The following RBFOX3 variants were observed in gnomAD, a reference collection of about 807,000 sequenced individuals.
The protein encoded by RBFOX3 is RNA binding fox-1 homolog 3, also known as RNA binding protein fox-1 homolog 3.
In RBFOX3, 17 loss-of-function variants were observed where a neutral mutation model predicts 48.7. That is an observed-to-expected ratio of 0.35 (90% CI 0.24 to 0.52). The LOEUF (loss-of-function observed/expected upper bound fraction) is 0.52, where lower values mean the gene tolerates loss of function less well. Among genes scored for constraint, RBFOX3 ranks in the 20% least tolerant of loss-of-function variants. The pLI is 0.94. For synonymous variants in RBFOX3, 212 were observed against 209.5 expected (o/e 1.01, Z -0.10); for missense variants, 382 against 497.5 (o/e 0.77, Z 2.21).
chr17:79,611,188 TCTCTCTCTCTCTCTCTCTCTCTCTCGTTC>T (rs2093965893), upstream of RBFOX3, among the ~76,000 whole-genome samples: 1 of 98,626 alleles, frequency 1.0e-5, no homozygotes, highest in African/African-American at 3.8e-5. Context: ...CCTCCTTCTC[TCTCTCTCTCTCTCTCTCTCTCTCTCGTTC>T]CTCTGGCTCG....
intron 2 of RBFOX3, among the ~76,000 whole-genome samples, chr17:79,448,127 T>G (rs1555739357): frequency 6.6e-6 from 1 of 152,186 alleles, no homozygotes; most frequent in East Asian, 1.9e-4. Context: ...CCTCTTTTCT[T>G]CATAAATTAC....
At position 79,096,673 on chromosome 17, in the gene RBFOX3, A is replaced by C; in HGVS notation, c.916T>G (p.Phe306Val). The change falls in exon 12 of 15, where the codon TTT (phenylalanine) becomes GTT (valine). Residue 306 changes from phenylalanine to valine, a missense_variant. Phe to Val is a conservative substitution (Grantham distance 50, BLOSUM62 -1). Around this residue, in one of 3 missense-constraint regions of RBFOX3, gnomAD observed 215 missense variants for 254.8 expected, o/e 0.84. Coordinates refer to ENST00000693108, the MANE Select transcript of RBFOX3 (RefSeq NM_001350451.2). ...FASRVVYQDG[F>V]YGAEIYGGYA... ...CTTACATAAATCTCAGCACCATAAA[A>C]TCCATCCTGATACACGACCCTGGAA... 6.4e-7 allele frequency: 1 copy of C among 1,551,084 alleles called. No individual in the cohort carries two copies.
At chr17:79,412,205 G>A (rs1347694700) in intron 2 of RBFOX3, among the ~76,000 whole-genome samples, 1 of 151,438 alleles carries the variant, frequency 6.6e-6, no homozygotes. Context: ...AGGGCATAGT[G>A]TGTATGTGTG....
chr17:79,332,578 A>AG (rs1168001424), intron 2 of RBFOX3, among the ~76,000 whole-genome samples: 1 of 121,722 alleles, frequency 8.2e-6, no homozygotes, highest in Non-Finnish European at 1.8e-5. Flanking sequence ...GGGAGACAGA[A>AG]ACATAGAACC....
chr17:79,440,881 C>T (rs1555734461), intron 2 of RBFOX3, among the ~76,000 whole-genome samples: 1 of 152,220 alleles, frequency 6.6e-6, no homozygotes, highest in East Asian at 1.9e-4. Flanking sequence ...TGGTCTTCCC[C>T]ACACCCCATA....
chr17:79,269,052 C>T (rs544748627), intron 3 of RBFOX3, among the ~76,000 whole-genome samples: 80 of 152,360 alleles, frequency 5.3e-4, no homozygotes, highest in Middle Eastern at 3.4e-3. Context: ...TCAGGTCAGA[C>T]TGGACTGGGG....
At chr17:79,458,596 TA>T (rs35373564) in intron 2 of RBFOX3, among the ~76,000 whole-genome samples, 82,299 of 148,334 alleles carry the variant, frequency 0.55, 22,770 homozygotes, top group Middle Eastern at 0.62. Flanking sequence ...TTTATTTAAT[TA>T]AAAAAAAAAA....
chr17:79,107,503 G>A (rs954728482), intron 5 of RBFOX3, among the ~76,000 whole-genome samples: 35 of 152,220 alleles, frequency 2.3e-4, no homozygotes, highest in African/African-American at 8.2e-4. Context: ...GGTGTCGCCC[G>A]AGGCAGCGCA....
chr17:79,298,351 G>A (rs1248783698), intron 3 of RBFOX3: 1 of 152,228 alleles, frequency 6.6e-6, no homozygotes, highest in East Asian at 1.9e-4. Flanking sequence ...CTGGCTTCAC[G>A]ATGGGCGAGC....
chr17:79,121,196 C>T (rs2035652925), intron 4 of RBFOX3, among the ~76,000 whole-genome samples: 1 of 152,150 alleles, frequency 6.6e-6, no homozygotes, highest in Non-Finnish European at 1.5e-5. Flanking sequence ...ATCGTGCTCC[C>T]AGACATGACC....
intron 2 of RBFOX3, among the ~76,000 whole-genome samples, chr17:79,398,200 G>A (rs901647753): frequency 1.3e-5 from 2 of 152,104 alleles, no homozygotes; most frequent in South Asian, 2.1e-4. Flanking sequence ...GCTGGGCCTC[G>A]GGAGGCTCAT....
intron 4 of RBFOX3, among the ~76,000 whole-genome samples, chr17:79,151,363 G>C (rs1048602009): frequency 6.9e-6 from 1 of 144,752 alleles, no homozygotes; most frequent in Admixed American, 6.9e-5. Context: ...TCGGTGTCAC[G>C]GGAAGGAGGG....
chr17:79,099,383 T>C, intron 9 of RBFOX3: 1 of 152,386 alleles, frequency 6.6e-6, no homozygotes. Context: ...CACCTTAGCC[T>C]CCCAAAGTGC....
intron 3 of RBFOX3, among the ~76,000 whole-genome samples, chr17:79,286,498 G>A (rs1040783366): frequency 2.0e-4 from 31 of 152,162 alleles, no homozygotes; most frequent in Non-Finnish European, 1.0e-4. Flanking sequence ...GCTGAGATGG[G>A]GGTGCTTCAC....
chr17:79,203,552 T>A (rs12950725), intron 4 of RBFOX3, among the ~76,000 whole-genome samples: 2 of 19,932 alleles, frequency 1.0e-4, no homozygotes, highest in Non-Finnish European at 1.8e-4. Context: ...GGGTGGAGGG[T>A]GAAGGGGCGT....
At chr17:79,613,655 A>G (rs2093983244), upstream of RBFOX3, among the ~76,000 whole-genome samples, 1 of 152,152 alleles carries the variant, frequency 6.6e-6, no homozygotes, top group Non-Finnish European at 1.5e-5. Flanking sequence ...CCTCTGAAAA[A>G]TCCCACTAAA....
At chr17:79,352,198 G>A (rs2084074817) in intron 2 of RBFOX3, among the ~76,000 whole-genome samples, 2 of 152,164 alleles carry the variant, frequency 1.3e-5, no homozygotes, top group South Asian at 2.1e-4. Flanking sequence ...ATGGGGCCTG[G>A]TGGAAGGTGA....
At chr17:79,540,896 C>G (rs2089596876) in intron 1 of RBFOX3, among the ~76,000 whole-genome samples, 1 of 152,184 alleles carries the variant, frequency 6.6e-6, no homozygotes, top group Non-Finnish European at 1.5e-5. Flanking sequence ...AGCATCTCAG[C>G]CAGAGACACG....
the RBFOX3 span, among the ~76,000 whole-genome samples, chr17:79,648,978 C>A: frequency 2.6e-4 from 35 of 133,230 alleles, no homozygotes; most frequent in African/African-American, 9.9e-4. Flanking sequence ...TGAAAAATGT[C>A]TTTTTTTTTT....
Sources: gnomAD v4.1 joint callset for allele counts (sites outside exome capture counted in the v4.1 genomes callset) on GRCh38, gnomAD v4.1.1 for gene constraint, gnomAD v4.1.1 regional missense constraint, MANE v1.5 for transcripts, NCBI Gene and HGNC (gene_info 2026-07-23, HGNC 2026-07-21) for gene names.